The following RASA3 variants were observed in gnomAD, a reference collection of about 807,000 sequenced individuals.
The protein encoded by RASA3 is RAS p21 protein activator 3.
RASA3 carries 73 observed loss-of-function variants against 110.0 expected under a neutral mutation model. The observed-to-expected ratio is 0.66, with a 90% confidence interval of 0.55 to 0.81. The LOEUF is 0.81. RASA3 is among the 30% of genes least tolerant of loss of function. RASA3 has a pLI of 0.00. For synonymous variants in RASA3, 500 were observed against 451.4 expected (o/e 1.11, Z -1.37); for missense variants, 976 against 1,113.2 (o/e 0.88, Z 1.75).
chr13:114,090,716 C>A (rs574831725), intron 1 of RASA3, among the ~76,000 whole-genome samples: 1 of 152,328 alleles, frequency 6.6e-6, no homozygotes, highest in East Asian at 1.9e-4. Context: ...CTGCAGCAGG[C>A]TCAGGCAGTG....
intron 2 of RASA3, among the ~76,000 whole-genome samples, chr13:114,066,257 ACT>A (rs1282465285): frequency 1.3e-5 from 2 of 152,064 alleles, no homozygotes; most frequent in Non-Finnish European, 2.9e-5. Context: ...TGCAGCAGTG[ACT>A]CTCAGGAGGA....
chr13:114,039,721 T>C (rs545633372), intron 4 of RASA3, among the ~76,000 whole-genome samples: 1 of 152,336 alleles, frequency 6.6e-6, no homozygotes, highest in East Asian at 1.9e-4. Flanking sequence ...CTGGAGCAGC[T>C]GTTGCCGGGC....
Position 114,011,391 on chromosome 13 carries a change from C to CA in RASA3, c.1513-144dup. 1 of 723,584 alleles carries CA rather than the reference C, an allele frequency of 1.4e-6. No homozygotes were observed. Among genetic ancestry groups the CA allele is most frequent in the Non-Finnish European group, 2.4e-6 (1 of 419,858 alleles). 44.8% of individuals were successfully genotyped at this position (723,584 alleles called of 1,614,324 possible). A position where few individuals can be genotyped will look rare whatever the true frequency, so the allele number is the denominator to read the frequency against. ...CTACGGAGAAACAGGGGTAGCGACG[C>CA]AGATGGGACTGGAGGGGGTGGGCGT... On this transcript the variant is annotated intron_variant, in intron 15 of 23. Coordinates refer to ENST00000334062, the MANE Select transcript of RASA3 (RefSeq NM_007368.4). This position sits in a 1 kb window ranked among gnomAD's most constrained non-coding sequence, Gnocchi z 4.8.
chr13:114,005,003 G>A (rs2053482984), intron 18 of RASA3, among the ~76,000 whole-genome samples: 1 of 152,216 alleles, frequency 6.6e-6, no homozygotes, highest in Non-Finnish European at 1.5e-5. Context: ...TTATCTTAAG[G>A]GAGATGACTC....
At chr13:114,021,817 A>G (rs1238617517) in intron 8 of RASA3, among the ~76,000 whole-genome samples, 1 of 151,318 alleles carries the variant, frequency 6.6e-6, no homozygotes, top group East Asian at 1.9e-4. Context: ...CAGAAGCTAC[A>G]TGACCCCAGG....
At chr13:114,064,356 C>T (rs2079410976) in intron 2 of RASA3, among the ~76,000 whole-genome samples, 1 of 152,194 alleles carries the variant, frequency 6.6e-6, no homozygotes, top group Non-Finnish European at 1.5e-5. Context: ...CACTGGAGGC[C>T]ACGCGGAGTC....
chr13:113,995,525 C>T (rs1235295286), intron 21 of RASA3, among the ~76,000 whole-genome samples: 4 of 152,190 alleles, frequency 2.6e-5, no homozygotes, highest in Admixed American at 6.5e-5. Context: ...CCAGGGGGAC[C>T]GCCAGGCACC....
In RASA3 at chr13:114,090,791, A is replaced by C. The variant is rs190673819; in HGVS notation, c.56-16954T>G. Reference sequence around the variant, plus strand: ...GCCCTCAGGTATGCGTAACAAAAAGAACGCCAGTTCCCTTTTCCTGGAGAA... The same window carrying C: ...GCCCTCAGGTATGCGTAACAAAAAGCACGCCAGTTCCCTTTTCCTGGAGAA... On this transcript the variant is annotated intron_variant, in intron 1 of 23. Transcript: ENST00000334062. 7.4e-3 allele frequency among the ~76,000 whole-genome samples: 1,134 copies of C among 152,324 alleles called. 10 individuals carry two copies. Among genetic ancestry groups the C allele is most frequent in the Non-Finnish European group, 0.012 (792 of 68,040 alleles).
intron 19 of RASA3, 34 bp from the exon 20 acceptor site, chr13:113,999,701 C>CCCCGCTG (rs2053338415): frequency 3.2e-6 from 5 of 1,581,706 alleles, no homozygotes; most frequent in Non-Finnish European, 4.3e-6. Context: ...TGGGTGCGGG[C>CCCCGCTG]CCCGCTGTCC....
At position 114,018,868 on chromosome 13, in the gene RASA3, G is replaced by A; in HGVS notation, c.837C>T (p.Asp279=). The A allele has an allele frequency of 2.5e-6, 4 of 1,613,962 alleles. No homozygotes were observed. Among genetic ancestry groups the A allele is most frequent in the Middle Eastern group, 1.6e-4 (1 of 6,062 alleles). The change falls in exon 10 of 24, where the codon GAC becomes GAT. Residue 279 remains aspartate (D), a synonymous_variant. Coordinates refer to ENST00000334062, the MANE Select transcript of RASA3 (RefSeq NM_007368.4). The part of the protein sequence containing the change: ...DNGSKSLKPD[D]LGSLRLNVVY... ...CCACGTTCAGCCGCAGGGAGCCCAG[G>A]TCGTCTGGCTTTAGGCTCTTGCTAC...
In RASA3 at chr13:113,980,104, CCT is replaced by C. The variant is rs200879812; in HGVS notation, c.2430-684_2430-683del. ...GCACCACCTCCCACGTGTGTGCACC[CCT>C]CTCGCATGTGTGCACCTCCTCTGTG... On this transcript the variant is annotated intron_variant, in intron 23 of 23. Transcript: ENST00000334062. Among the ~76,000 whole-genome samples, 1,131 of 142,854 alleles carry C rather than the reference CCT, an allele frequency of 7.9e-3. 11 individuals carry two copies. The highest frequency in any genetic ancestry group is 0.025 in the African/African-American group (971 of 38,230). The allele number at this position is 142,854 out of a possible 152,430, so 93.7% of individuals were successfully genotyped here.
In RASA3 at chr13:113,996,875, T is replaced by C. The variant is rs2053269420; in HGVS notation, c.1933-136A>G. 3 of 754,534 alleles carry C rather than the reference T, an allele frequency of 4.0e-6. 1 individual carries two copies. The highest frequency in any genetic ancestry group is 2.4e-5 in the Admixed American group (1 of 42,382). 46.7% of individuals were successfully genotyped at this position (754,534 alleles called of 1,614,324 possible). ...TGAGGGTGCACAGGCCCAAAAGTCCTGGAGCTCTAAGCCCCAGAAGAGGCC... is the reference window on the plus strand; with the variant it reads ...TGAGGGTGCACAGGCCCAAAAGTCCCGGAGCTCTAAGCCCCAGAAGAGGCC... On this transcript the variant is annotated intron_variant, in intron 20 of 23. Transcript: ENST00000334062.
chr13:114,023,010 CG>C (rs1299539305), intron 8 of RASA3, among the ~76,000 whole-genome samples: 2 of 152,200 alleles, frequency 1.3e-5, no homozygotes, highest in African/African-American at 4.8e-5. Context: ...CTATGGGGGA[CG>C]GATCTGACCG....
At chr13:114,131,004 T>A (rs901708476) in intron 1 of RASA3, among the ~76,000 whole-genome samples, 3 of 152,238 alleles carry the variant, frequency 2.0e-5, no homozygotes, top group Non-Finnish European at 2.9e-5. Flanking sequence ...AGCTCTGGCT[T>A]TCTTGTATGA....
At chr13:114,108,882 C>G (rs1430202707) in intron 1 of RASA3, 1 of 152,292 alleles carries the variant, frequency 6.6e-6, no homozygotes, top group African/African-American at 2.4e-5. Flanking sequence ...AACAGCAGAA[C>G]TGGCAGCAAC....
At chr13:114,116,895 T>C (rs1295075369) in intron 1 of RASA3, among the ~76,000 whole-genome samples, 1 of 130,130 alleles carries the variant, frequency 7.7e-6, no homozygotes, top group Non-Finnish European at 1.7e-5. Flanking sequence ...GGTGCACGTG[T>C]GTGAGGGGTG....
intron 3 of RASA3, among the ~76,000 whole-genome samples, chr13:114,045,497 GAGA>G (rs1566523344): frequency 6.6e-6 from 1 of 152,154 alleles, no homozygotes; most frequent in Non-Finnish European, 1.5e-5. Context: ...AGAGCTGCCC[GAGA>G]CAGGGAATGC....
chr13:114,016,021 G>A (rs1375439132), intron 13 of RASA3, among the ~76,000 whole-genome samples, 176 bp downstream of exon 13: 2 of 152,092 alleles, frequency 1.3e-5, no homozygotes, highest in Admixed American at 6.5e-5. Flanking sequence ...GGTGGTGGCT[G>A]AGGCCTCCCA....
chr13:114,059,203 C>A (rs1431223838), intron 2 of RASA3, among the ~76,000 whole-genome samples: 1 of 152,178 alleles, frequency 6.6e-6, no homozygotes, highest in Non-Finnish European at 1.5e-5. Context: ...GCATCTCCTG[C>A]ATCTTCAGAG....
Sources: gnomAD v4.1 joint callset for allele counts (sites outside exome capture counted in the v4.1 genomes callset) on GRCh38, gnomAD v4.1.1 for gene constraint, Gnocchi (gnomAD v3.1) non-coding constraint, MANE v1.5 for transcripts, NCBI Gene and HGNC (gene_info 2026-07-23, HGNC 2026-07-21) for gene names.